CLASP2: variants seen among roughly 807,000 people sequenced by gnomAD.
CLASP2 encodes CLIP-associating protein 2.
CLASP2 carries 47 observed loss-of-function variants against 194.4 expected under a neutral mutation model. The ratio of observed to expected loss-of-function variants is 0.24; its 90% CI spans 0.19 to 0.31. CLASP2 has a LOEUF of 0.31. Ranked by LOEUF, CLASP2 falls within the 10% of genes least tolerant of loss-of-function variation. The pLI is 1.00. For missense variants in CLASP2, 1,445 were observed against 1,823.6 expected (o/e 0.79, Z 3.78); for synonymous variants, 619 against 633.5 (o/e 0.98, Z 0.34).
At chr3:33,528,766 T>G (rs548383458) in intron 34 of CLASP2, among the ~76,000 whole-genome samples, 11 of 140,780 alleles carry the variant, frequency 7.8e-5, no homozygotes, top group Admixed American at 3.5e-4. Flanking sequence ...CATCTCGAAA[T>G]AAAGAAAGAA....
At chr3:33,685,078 T>C (rs1398506934) in intron 5 of CLASP2, among the ~76,000 whole-genome samples, 1 of 151,402 alleles carries the variant, frequency 6.6e-6, no homozygotes, top group South Asian at 2.1e-4. Flanking sequence ...CGGTGGCTCA[T>C]GCCTGTAATC....
intron 4 of CLASP2, among the ~76,000 whole-genome samples, chr3:33,687,437 T>C (rs996150546): frequency 6.6e-6 from 1 of 152,202 alleles, no homozygotes; most frequent in African/African-American, 2.4e-5. Context: ...AACCTATGAA[T>C]AACTTAAGAA....
chr3:33,504,825 T>G (rs2047693086), intron 37 of CLASP2: 1 of 152,574 alleles, frequency 6.6e-6, no homozygotes. Flanking sequence ...CCACTGCTGA[T>G]CTGACAGGAG....
intron 7 of CLASP2, among the ~76,000 whole-genome samples, chr3:33,648,538 T>C (rs2082658367): frequency 6.6e-6 from 1 of 152,052 alleles, no homozygotes; most frequent in South Asian, 2.1e-4. Flanking sequence ...TCTAGAAACA[T>C]AGGAAGAAAT....
intron 11 of CLASP2, among the ~76,000 whole-genome samples, chr3:33,620,292 T>C (rs2076901437): frequency 6.6e-6 from 1 of 152,208 alleles, no homozygotes; most frequent in Admixed American, 6.5e-5. Flanking sequence ...CCATATCTTA[T>C]TGGGTGATCT....
intron 33 of CLASP2, among the ~76,000 whole-genome samples, chr3:33,536,586 GA>G (rs924642965): frequency 6.6e-6 from 1 of 152,000 alleles, no homozygotes; most frequent in African/African-American, 2.4e-5. Flanking sequence ...AGAGGTAACA[GA>G]AAAAAAGCCT....
chr3:33,619,853 G>A, intron 11 of CLASP2, 115 bp from the exon 12 acceptor site: 1 of 831,344 alleles, frequency 1.2e-6, no homozygotes. Context: ...ATTTTAATCA[G>A]TTGTAATGGC....
chr3:33,603,230 C>T (rs929927593), intron 17 of CLASP2, 105 bp from the exon 18 acceptor site: 9 of 1,263,756 alleles, frequency 7.1e-6, no homozygotes, highest in South Asian at 1.6e-5. Context: ...AAATGGTCAA[C>T]AAAAAGGCTG....
At chr3:33,510,234 G>A (rs114424311) in intron 37 of CLASP2, among the ~76,000 whole-genome samples, 1,886 of 152,178 alleles carry the variant, frequency 0.012, 12 homozygotes, top group Middle Eastern at 0.044. Flanking sequence ...GGAAGGAATG[G>A]GGTTATTGCT....
intron 8 of CLASP2, among the ~76,000 whole-genome samples, chr3:33,639,277 C>A (rs940178375): frequency 6.6e-6 from 1 of 152,020 alleles, no homozygotes; most frequent in African/African-American, 2.4e-5. Flanking sequence ...AGGCTGGTTT[C>A]GAACTCCTGG....
chr3:33,577,364 T>G (rs1441674843), intron 23 of CLASP2: 1 of 887,566 alleles, frequency 1.1e-6, no homozygotes, highest in East Asian at 2.6e-5. Flanking sequence ...ACACTGGTGT[T>G]ATTCTTTATA....
chr3:33,513,190 A>G (rs2050405272), intron 36 of CLASP2, among the ~76,000 whole-genome samples: 2 of 152,154 alleles, frequency 1.3e-5, no homozygotes, highest in South Asian at 4.1e-4. Context: ...TTTCAGTGAA[A>G]TGCCATAGAT....
In CLASP2 at chr3:33,718,147, G is replaced by T; in HGVS notation, c.-145C>A. 1.3e-6 allele frequency: 1 copy of T among 775,616 alleles called. No individual in the cohort carries two copies. The allele number at this position is 775,616 out of a possible 1,614,324, so 48.0% of individuals were successfully genotyped here. A position where few individuals can be genotyped will look rare whatever the true frequency, so the allele number is the denominator to read the frequency against. On this transcript the variant is annotated 5_prime_UTR_variant, in exon 1 of 39. Coordinates refer to ENST00000682230, the MANE Select transcript of CLASP2 (RefSeq NM_001365631.1). ...CGGCTTGCGGGGCGCAGCGGGCGGCGGGAGGAACGCCAAGCGCCCAGCCGC... is the reference window on the plus strand; with the variant it reads ...CGGCTTGCGGGGCGCAGCGGGCGGCTGGAGGAACGCCAAGCGCCCAGCCGC...
intron 29 of CLASP2, among the ~76,000 whole-genome samples, chr3:33,555,071 A>C (rs2060687458): frequency 6.6e-6 from 1 of 152,172 alleles, no homozygotes; most frequent in Non-Finnish European, 1.5e-5. Context: ...TAAAAGAGTG[A>C]ATTTTATGTA....
intron 12 of CLASP2, among the ~76,000 whole-genome samples, chr3:33,615,389 AAAG>A (rs1242776711): frequency 6.6e-6 from 1 of 151,054 alleles, no homozygotes; most frequent in African/African-American, 2.4e-5. Flanking sequence ...AAAAAAAAAA[AAAG>A]GAAAGAAAAG....
intron 34 of CLASP2, among the ~76,000 whole-genome samples, chr3:33,531,507 G>A (rs1336549273): frequency 2.0e-5 from 3 of 152,144 alleles, no homozygotes; most frequent in Admixed American, 6.6e-5. Context: ...CAGGTGCAAC[G>A]GCTCATACCT....
intron 30 of CLASP2, among the ~76,000 whole-genome samples, chr3:33,547,572 G>C (rs2059345047): frequency 6.6e-6 from 1 of 152,132 alleles, no homozygotes; most frequent in Non-Finnish European, 1.5e-5. Flanking sequence ...TATTCATAAA[G>C]AGATGCTGGT....
intron 29 of CLASP2, among the ~76,000 whole-genome samples, chr3:33,556,546 C>T (rs1178235479): frequency 1.3e-5 from 2 of 151,968 alleles, no homozygotes; most frequent in Non-Finnish European, 2.9e-5. Flanking sequence ...AGCGATTCTC[C>T]TGCCTCAGCC....
chr3:33,529,455 G>A (rs1238911722), intron 34 of CLASP2, among the ~76,000 whole-genome samples: 3 of 152,024 alleles, frequency 2.0e-5, no homozygotes, highest in Admixed American at 1.3e-4. Context: ...AAACAGCATG[G>A]TACTAGCACA....
Sources: gnomAD v4.1 joint callset for allele counts (sites outside exome capture counted in the v4.1 genomes callset) on GRCh38, gnomAD v4.1.1 for gene constraint, MANE v1.5 for transcripts, NCBI Gene and HGNC (gene_info 2026-07-23, HGNC 2026-07-21) for gene names.